Variants in GPC3 observed in about 807,000 individuals in gnomAD.
The protein encoded by GPC3 is glypican-3.
GPC3 carries 3 observed loss-of-function variants against 34.4 expected under a neutral mutation model. The ratio of observed to expected loss-of-function variants is 0.09; its 90% CI spans 0.04 to 0.23. The LOEUF (loss-of-function observed/expected upper bound fraction) is 0.23, where lower values mean the gene tolerates loss of function less well. Ranked by LOEUF, GPC3 falls within the 10% of genes least tolerant of loss-of-function variation. The pLI is 1.00. For synonymous variants in GPC3, 177 were observed against 174.0 expected (o/e 1.02, Z -0.13); for missense variants, 351 against 445.6 (o/e 0.79, Z 1.91).
chrX:133,700,225 C>T (rs1461071790), intron 3 of GPC3, among the ~76,000 whole-genome samples, 197 bp from the exon 4 acceptor site: 1 of 111,424 alleles, frequency 9.0e-6, no homozygotes, highest in East Asian at 2.8e-4. Context: ...GAATGGGGGC[C>T]CCATTCTAAG....
chrX:133,551,130 C>A (rs1182147222), intron 7 of GPC3, among the ~76,000 whole-genome samples: 1 of 105,685 alleles, frequency 9.5e-6, no homozygotes, highest in Non-Finnish European at 1.9e-5. Context: ...TCTGCCCCCC[C>A]CCACCCCACC....
intron 2 of GPC3, among the ~76,000 whole-genome samples, chrX:133,809,360 A>G (rs1013712181): frequency 1.8e-5 from 2 of 111,625 alleles, no homozygotes; most frequent in African/African-American, 6.5e-5. Flanking sequence ...TTATTTGGAG[A>G]GGAGGGGAAA....
intron 2 of GPC3, among the ~76,000 whole-genome samples, chrX:133,921,402 A>G (rs1333212054): frequency 8.9e-6 from 1 of 112,214 alleles, no homozygotes; most frequent in East Asian, 2.8e-4. Flanking sequence ...GTGGGGAGCT[A>G]CAATCAGTAA....
intron 7 of GPC3, among the ~76,000 whole-genome samples, chrX:133,566,358 T>G (rs2124296133): frequency 8.9e-6 from 1 of 112,033 alleles, no homozygotes; most frequent in South Asian, 3.8e-4. Context: ...ACCTCCAGAC[T>G]CCAGTAGGGT....
chrX:133,782,223 C>G (rs982787760), intron 2 of GPC3, among the ~76,000 whole-genome samples: 1 of 111,649 alleles, frequency 9.0e-6, no homozygotes, highest in African/African-American at 3.3e-5. Context: ...TTGTGACTAC[C>G]CTGCAAACTC....
intron 1 of GPC3, among the ~76,000 whole-genome samples, chrX:133,954,163 G>A (rs2124635464): frequency 8.9e-6 from 1 of 111,777 alleles, no homozygotes; most frequent in Admixed American, 9.5e-5. Context: ...TGTTAAGGGA[G>A]ATGGTGGGCA....
At chrX:133,598,316 C>A (rs1157372496) in intron 6 of GPC3, among the ~76,000 whole-genome samples, 1 of 106,204 alleles carries the variant, frequency 9.4e-6, no homozygotes, top group Non-Finnish European at 1.9e-5. Context: ...CCATCCCCAG[C>A]TAATTTTTTT....
At chrX:133,634,188 T>C (rs2070395022) in intron 6 of GPC3, among the ~76,000 whole-genome samples, 1 of 111,708 alleles carries the variant, frequency 9.0e-6, no homozygotes, top group Non-Finnish European at 1.9e-5. Flanking sequence ...ATATGTAGAA[T>C]AGGATATGGA....
chrX:133,620,770 C>T (rs2070223644), intron 6 of GPC3, among the ~76,000 whole-genome samples: 1 of 111,713 alleles, frequency 9.0e-6, no homozygotes, highest in African/African-American at 3.3e-5. Flanking sequence ...CTCCACAATT[C>T]CTTATTGTAA....
At chrX:133,772,168 T>C (rs886826247) in intron 2 of GPC3, among the ~76,000 whole-genome samples, 3 of 112,003 alleles carry the variant, frequency 2.7e-5, no homozygotes, top group East Asian at 2.8e-4. Context: ...AAAGTTTGCC[T>C]GCCATCGCTC....
chrX:133,600,781 T>G (rs2069972440), intron 6 of GPC3, among the ~76,000 whole-genome samples: 1 of 111,735 alleles, frequency 8.9e-6, no homozygotes, highest in Admixed American at 9.5e-5. Context: ...GACCTTTCTG[T>G]TCCCTCTCTC....
chrX:133,547,445 G>A (rs763297949), intron 7 of GPC3, among the ~76,000 whole-genome samples: 294 of 110,831 alleles, frequency 2.7e-3, no homozygotes, highest in Middle Eastern at 0.014. Context: ...CCTTGTAGAG[G>A]GGTCTGTGTG....
intron 6 of GPC3, among the ~76,000 whole-genome samples, chrX:133,599,940 G>A (rs148336788): frequency 1.8e-5 from 2 of 111,267 alleles, no homozygotes; most frequent in African/African-American, 3.3e-5. Context: ...AAGTTCTAAC[G>A]CCATGTCATT....
chrX:133,869,712 C>T (rs1412519357), intron 2 of GPC3, among the ~76,000 whole-genome samples: 1 of 111,986 alleles, frequency 8.9e-6, no homozygotes, highest in African/African-American at 3.2e-5. Flanking sequence ...CTTTGGGAGG[C>T]CGAGGCCGGC....
intron 6 of GPC3, among the ~76,000 whole-genome samples, chrX:133,657,892 T>A (rs1399201763): frequency 1.1e-5 from 1 of 90,653 alleles, no homozygotes; most frequent in Non-Finnish European, 2.0e-5. Flanking sequence ...ACATGGGGCA[T>A]ACATGCAGAG....
At chrX:133,750,966 G>A (rs1298359940) in intron 3 of GPC3, among the ~76,000 whole-genome samples, 3 of 109,390 alleles carry the variant, frequency 2.7e-5, no homozygotes, top group Non-Finnish European at 5.7e-5. Context: ...CCAGCTTCTC[G>A]GGAGGCTGAG....
intron 7 of GPC3, among the ~76,000 whole-genome samples, chrX:133,572,760 T>G (rs898964972): frequency 9.0e-6 from 1 of 111,621 alleles, no homozygotes; most frequent in Non-Finnish European, 1.9e-5. Flanking sequence ...CTACCAAAAC[T>G]GACTTAAGAA....
intron 2 of GPC3, among the ~76,000 whole-genome samples, chrX:133,769,978 C>G (rs899142406): frequency 1.8e-5 from 2 of 112,378 alleles, no homozygotes; most frequent in African/African-American, 6.5e-5. Context: ...CTGTATTGTA[C>G]TATAAAACAA....
intron 6 of GPC3, among the ~76,000 whole-genome samples, chrX:133,643,889 G>A (rs1393547569): frequency 2.8e-5 from 3 of 105,535 alleles, no homozygotes; most frequent in Admixed American, 1.0e-4. Context: ...GTGCAGTGGC[G>A]CGATCTTGGC....
Sources: allele counts gnomAD v4.1 joint callset (sites outside exome capture counted in the v4.1 genomes callset), GRCh38; gene constraint gnomAD v4.1.1; transcripts MANE v1.5; gene names NCBI Gene and HGNC (gene_info 2026-07-23, HGNC 2026-07-21).